LIMS1: variants seen among roughly 807,000 people sequenced by gnomAD.
LIMS1 encodes LIM and senescent cell antigen-like-containing domain protein 1.
LIMS1 carries 18 observed loss-of-function variants against 44.1 expected under a neutral mutation model. That is an observed-to-expected ratio of 0.41 (90% CI 0.28 to 0.61). LIMS1 has a LOEUF of 0.61. Among genes scored for constraint, LIMS1 ranks in the 20% least tolerant of loss-of-function variants. The probability of loss-of-function intolerance (pLI) is 0.32; values close to 1 mark genes in which losing one functional copy is unlikely to be tolerated. For missense variants in LIMS1, 201 were observed against 422.0 expected, an observed-to-expected ratio of 0.48 and a Z score of 4.59; for synonymous variants, 93 against 149.1, an observed-to-expected ratio of 0.62 and a Z score of 2.74.
Position 108,633,393 on chromosome 2 carries a change from C to T in LIMS1, c.33-26212C>T, listed in dbSNP as rs915372238. On this transcript the variant is annotated intron_variant, in intron 1 of 9. Transcript: ENST00000544547. The stretch of plus-strand genomic sequence containing the variant: ...TGACTTTTTATACAACCAGCATAGG[C>T]GCTGTCATTAGAGCGTCAGACCTCT... Among the ~76,000 whole-genome samples, 4 of 152,184 alleles carry T rather than the reference C, an allele frequency of 2.6e-5. No homozygotes were observed. The East Asian group carries it at 7.7e-4, about 29-fold the overall frequency.
intron 2 of LIMS1, among the ~76,000 whole-genome samples, chr2:108,661,764 G>T (rs826676): frequency 1.8e-4 from 27 of 152,256 alleles, no homozygotes; most frequent in African/African-American, 2.9e-4. Flanking sequence ...GGAGGCCTGC[G>T]GGGACTATGG....
At chr2:108,603,407 C>T (rs1315126131) in intron 1 of LIMS1, among the ~76,000 whole-genome samples, 3 of 150,958 alleles carry the variant, frequency 2.0e-5, no homozygotes, top group South Asian at 2.1e-4. Flanking sequence ...CTAGATTTTC[C>T]GATTTATTGG....
intron 1 of LIMS1, among the ~76,000 whole-genome samples, chr2:108,631,922 C>T (rs1268137498): frequency 1.3e-5 from 2 of 152,200 alleles, no homozygotes; most frequent in Non-Finnish European, 2.9e-5. Context: ...AGCTCCTTCA[C>T]ATTTGGAACC....
intron 1 of LIMS1, among the ~76,000 whole-genome samples, chr2:108,558,509 G>A (rs917753769): frequency 4.0e-5 from 6 of 151,640 alleles, no homozygotes; most frequent in Admixed American, 2.6e-4. Context: ...ACACCGGGAC[G>A]ATTTGTGCGT....
At chr2:108,631,797 G>A (rs1178002097) in intron 1 of LIMS1, among the ~76,000 whole-genome samples, 1 of 152,178 alleles carries the variant, frequency 6.6e-6, no homozygotes, top group African/African-American at 2.4e-5. Flanking sequence ...GAGCAGTGGT[G>A]CAGAGATCTG....
intron 1 of LIMS1, among the ~76,000 whole-genome samples, chr2:108,597,259 C>T (rs1372638990): frequency 6.6e-6 from 1 of 151,936 alleles, no homozygotes; most frequent in African/African-American, 2.4e-5. Flanking sequence ...CTTTGAGACT[C>T]AACACTTAAC....
At chr2:108,620,383 G>C (rs991331739) in intron 1 of LIMS1, among the ~76,000 whole-genome samples, 1 of 152,162 alleles carries the variant, frequency 6.6e-6, no homozygotes, top group African/African-American at 2.4e-5. Flanking sequence ...ATCTTGCTGG[G>C]AGGTAGCCTG....
At chr2:108,569,251 A>T (rs1263531109) in intron 1 of LIMS1, among the ~76,000 whole-genome samples, 1 of 152,166 alleles carries the variant, frequency 6.6e-6, no homozygotes, top group Non-Finnish European at 1.5e-5. Flanking sequence ...AGCCTCATCC[A>T]TTCATGATTT....
At chr2:108,591,801 G>GTT (rs771392534) in intron 1 of LIMS1, among the ~76,000 whole-genome samples, 1 of 66,072 alleles carries the variant, frequency 1.5e-5, no homozygotes. Context: ...TTTTTTTTTT[G>GTT]TTTTTTTTTT....
intron 1 of LIMS1, among the ~76,000 whole-genome samples, chr2:108,635,407 G>A (rs568603802): frequency 1.5e-3 from 212 of 141,924 alleles, no homozygotes; most frequent in Admixed American, 4.2e-3. Flanking sequence ...CAGCCTGGGG[G>A]GAAAGAGCAA....
intron 5 of LIMS1, 77 bp downstream of exon 5, chr2:108,673,106 A>G: frequency 7.1e-7 from 1 of 1,410,720 alleles, no homozygotes; most frequent in Non-Finnish European, 9.8e-7. Context: ...CTGTTACTCT[A>G]GCAAACCAAA....
Position 108,675,872 on chromosome 2 carries a change from G to A in LIMS1, c.531-6G>A, listed in dbSNP as rs749877051. The A allele has an allele frequency of 2.9e-5, 46 of 1,613,768 alleles. No homozygotes were observed. Among genetic ancestry groups the A allele is most frequent in the Middle Eastern group, 1.6e-4 (1 of 6,078 alleles). On this transcript the variant is annotated splice_polypyrimidine_tract_variant and splice_region_variant and intron_variant, in intron 5 of 9. Transcript: ENST00000544547. The stretch of plus-strand genomic sequence containing the variant: ...GTATTAAGCTGTGTGTCTTTCTCAC[G>A]GACAGGAAGGAGCTGACTGCCGATG...
chr2:108,656,090 G>A (rs1287240331), intron 1 of LIMS1, among the ~76,000 whole-genome samples: 1 of 116,614 alleles, frequency 8.6e-6, no homozygotes. Context: ...CAGTAACTGG[G>A]GAATTGTAAT....
At chr2:108,633,379 AC>A (rs1689038609) in intron 1 of LIMS1, among the ~76,000 whole-genome samples, 1 of 152,260 alleles carries the variant, frequency 6.6e-6, no homozygotes, top group Non-Finnish European at 1.5e-5. Flanking sequence ...GACTTTTTAT[AC>A]AACCAGCATA....
At chr2:108,678,054 G>C (rs753920479) in intron 8 of LIMS1, 27 bp downstream of exon 8, 2 of 1,608,314 alleles carry the variant, frequency 1.2e-6, no homozygotes, top group Non-Finnish European at 1.7e-6. Flanking sequence ...GTTTTAGATT[G>C]GTGCCACTTT....
At chr2:108,661,763 C>G (rs763848574) in intron 2 of LIMS1, among the ~76,000 whole-genome samples, 23 of 152,146 alleles carry the variant, frequency 1.5e-4, no homozygotes, top group African/African-American at 2.9e-4. Flanking sequence ...TGGAGGCCTG[C>G]GGGGACTATG....
intron 1 of LIMS1, among the ~76,000 whole-genome samples, chr2:108,619,575 T>C (rs1232938228): frequency 6.6e-6 from 1 of 152,006 alleles, no homozygotes; most frequent in Non-Finnish European, 1.5e-5. Context: ...TCCCAGCTAC[T>C]GGGGAGGCTG....
chr2:108,613,113 A>G lies in LIMS1; in HGVS notation c.33-46492A>G, dbSNP rs112433803. The stretch of plus-strand genomic sequence containing the variant: ...TCCCCATCTGTAAATGGGTATAATC[A>G]CAATACATGCCTCATAGGGTTGAGA... On this transcript the variant is annotated intron_variant, in intron 1 of 9. Transcript: ENST00000544547. 4.1e-4 allele frequency among the ~76,000 whole-genome samples: 63 copies of G among 152,316 alleles called. 1 individual carries two copies. Among genetic ancestry groups the G allele is most frequent in the Middle Eastern group, 3.4e-3 (1 of 294 alleles).
chr2:108,545,363 A>T (rs987426819), intron 1 of LIMS1, among the ~76,000 whole-genome samples: 1 of 152,098 alleles, frequency 6.6e-6, no homozygotes, highest in African/African-American at 2.4e-5. Flanking sequence ...CCTCCCAAGT[A>T]GCTGGGATTA....
Sources: gnomAD v4.1 joint callset for allele counts (sites outside exome capture counted in the v4.1 genomes callset) on GRCh38, gnomAD v4.1.1 for gene constraint, MANE v1.5 for transcripts, NCBI Gene and HGNC (gene_info 2026-07-23, HGNC 2026-07-21) for gene names.